Variants in KHDRBS2 observed in about 807,000 individuals in gnomAD.
KHDRBS2 encodes the protein KH domain-containing, RNA-binding, signal transduction-associated protein 2.
Under a neutral mutation model 44.3 loss-of-function variants are expected in KHDRBS2, and 26 were observed. The observed-to-expected ratio is 0.59, with a 90% CI of 0.43 to 0.81. The LOEUF is 0.81. Ranked by LOEUF, KHDRBS2 falls within the 40% of genes least tolerant of loss-of-function variation. KHDRBS2 has a pLI of 0.00. For synonymous variants in KHDRBS2, 194 were observed against 151.1 expected (o/e 1.28, Z -2.08); for missense variants, 476 against 433.1 (o/e 1.10, Z -0.88).
At chr6:62,126,497 CCAGA>C (rs1562924087) in intron 2 of KHDRBS2, among the ~76,000 whole-genome samples, 1 of 152,130 alleles carries the variant, frequency 6.6e-6, no homozygotes, top group African/African-American at 2.4e-5. Flanking sequence ...TAGGCAGTAG[CCAGA>C]CAGTGCTTAC....
intron 1 of KHDRBS2, among the ~76,000 whole-genome samples, chr6:62,217,726 T>C (rs1180316656): frequency 1.3e-5 from 2 of 151,752 alleles, no homozygotes; most frequent in Non-Finnish European, 2.9e-5. Flanking sequence ...AAAACATAAG[T>C]TGTTTTTTAT....
intron 3 of KHDRBS2, among the ~76,000 whole-genome samples, chr6:62,032,255 G>A (rs1304886715): frequency 6.6e-6 from 1 of 151,986 alleles, no homozygotes; most frequent in Non-Finnish European, 1.5e-5. Flanking sequence ...GGGGGGAAAG[G>A]CAGACACACC....
chr6:62,277,713 T>C (rs1187064459), intron 1 of KHDRBS2, among the ~76,000 whole-genome samples: 1 of 152,142 alleles, frequency 6.6e-6, no homozygotes, highest in Non-Finnish European at 1.5e-5. Context: ...AGAGTACTAG[T>C]CTGATGGAAT....
chr6:62,208,821 T>C (rs1360106124), intron 1 of KHDRBS2, among the ~76,000 whole-genome samples: 1 of 152,186 alleles, frequency 6.6e-6, no homozygotes, highest in Non-Finnish European at 1.5e-5. Flanking sequence ...CTTGCATTTC[T>C]CTGATGATTA....
chr6:62,206,287 G>A (rs1351148422), intron 1 of KHDRBS2, among the ~76,000 whole-genome samples: 2 of 152,010 alleles, frequency 1.3e-5, no homozygotes, highest in Admixed American at 1.3e-4. Context: ...TGCACAAACA[G>A]GTCATAATAA....
At chr6:61,638,538 TA>T in the KHDRBS2 span, among the ~76,000 whole-genome samples, 1 of 152,120 alleles carries the variant, frequency 6.6e-6, no homozygotes, top group South Asian at 2.1e-4. Context: ...GCCTTAGACC[TA>T]AAACCATAAA....
chr6:62,098,482 C>A (rs957652470), intron 2 of KHDRBS2, among the ~76,000 whole-genome samples: 1 of 141,224 alleles, frequency 7.1e-6, no homozygotes, highest in African/African-American at 2.6e-5. Flanking sequence ...CCCTCCTGGC[C>A]TGTAAGATTT....
At chr6:62,224,550 T>C (rs516223) in intron 1 of KHDRBS2, among the ~76,000 whole-genome samples, 26,197 of 152,082 alleles carry the variant, frequency 0.17, 2,526 homozygotes, top group African/African-American at 0.26. Context: ...AACTGAGAAA[T>C]GTAATATCAT....
the KHDRBS2 span, among the ~76,000 whole-genome samples, chr6:61,598,827 TTTTTCTTTTC>T: frequency 1.9e-3 from 115 of 62,036 alleles, 4 homozygotes; most frequent in African/African-American, 4.2e-3. Context: ...AGAGTGTCCT[TTTTTCTTTTC>T]TTTTTTTTTT....
At chr6:61,941,780 C>T (rs1356938252) in intron 4 of KHDRBS2, among the ~76,000 whole-genome samples, 5 of 152,058 alleles carry the variant, frequency 3.3e-5, no homozygotes, top group African/African-American at 1.2e-4. Context: ...GCTATTAAAG[C>T]AAATTTAAAA....
rs566352542 is a variant in KHDRBS2 at position 62,046,474 on chromosome 6, C to T, written c.336+1404G>A. Among the ~76,000 whole-genome samples the T allele has an allele frequency of 1.6e-3, 245 of 151,916 alleles. 6 individuals are homozygous for T. The South Asian group carries it at 0.049, about 30-fold the overall frequency. On this transcript the variant is annotated intron_variant, in intron 3 of 8. Coordinates refer to ENST00000281156, the MANE Select transcript of KHDRBS2 (RefSeq NM_152688.4). The stretch of plus-strand genomic sequence containing the variant: ...ATTATAGGAGTTCAGGGAAGCCATG[C>T]TGGGGAGATGATGACAAGCTGAAAT...
chr6:62,069,629 T>C (rs544548024), intron 2 of KHDRBS2, among the ~76,000 whole-genome samples: 29 of 151,848 alleles, frequency 1.9e-4, no homozygotes, highest in African/African-American at 3.4e-4. Context: ...TGCAATTTAG[T>C]TGAGAGACAT....
chr6:61,957,641 C>A (rs1205497381), intron 4 of KHDRBS2, among the ~76,000 whole-genome samples: 2 of 152,162 alleles, frequency 1.3e-5, no homozygotes, highest in African/African-American at 2.4e-5. Context: ...TGCTCTCAAA[C>A]CCTGTCTCCT....
At chr6:61,588,384 TAA>T in the KHDRBS2 span, among the ~76,000 whole-genome samples, 5 of 152,194 alleles carry the variant, frequency 3.3e-5, no homozygotes, top group African/African-American at 1.2e-4. Context: ...TAAGAAAAAT[TAA>T]AGTTTCTTTA....
At position 62,259,401 on chromosome 6, in the gene KHDRBS2, C is replaced by A. The variant is rs185332744; in HGVS notation, c.91+26457G>T. Reference sequence around the variant, plus strand: ...CATGCAAAGGTACATCACATGACAACTGACTGGGAATTCAGTTTTATAACT... The same window carrying A: ...CATGCAAAGGTACATCACATGACAAATGACTGGGAATTCAGTTTTATAACT... On this transcript the variant is annotated intron_variant, in intron 1 of 8. Transcript: ENST00000281156. Among the ~76,000 whole-genome samples the A allele has an allele frequency of 1.5e-3, 227 of 151,966 alleles. 1 individual carries two copies. The highest frequency in any genetic ancestry group is 5.3e-3 in the African/African-American group (220 of 41,490).
intron 1 of KHDRBS2, among the ~76,000 whole-genome samples, chr6:62,245,203 G>T (rs1410393040): frequency 6.6e-6 from 1 of 152,002 alleles, no homozygotes; most frequent in African/African-American, 2.4e-5. Flanking sequence ...CATTCTCTTT[G>T]TTTCTGCTAT....
intron 3 of KHDRBS2, among the ~76,000 whole-genome samples, chr6:62,046,013 G>T (rs1787609341): frequency 6.7e-6 from 1 of 150,108 alleles, no homozygotes; most frequent in Non-Finnish European, 1.5e-5. Flanking sequence ...AAAATATTTT[G>T]CAGTACAATG....
At chr6:62,201,836 G>C (rs1282591553) in intron 1 of KHDRBS2, among the ~76,000 whole-genome samples, 1 of 151,750 alleles carries the variant, frequency 6.6e-6, no homozygotes, top group East Asian at 1.9e-4. Flanking sequence ...CATGACAATA[G>C]ACATGTCAAT....
chr6:62,012,453 G>T (rs1234509625), intron 3 of KHDRBS2, among the ~76,000 whole-genome samples: 1 of 152,012 alleles, frequency 6.6e-6, no homozygotes, highest in African/African-American at 2.4e-5. Context: ...AATATAAATA[G>T]AATTCACTTC....
Sources: allele counts gnomAD v4.1 joint callset (sites outside exome capture counted in the v4.1 genomes callset), GRCh38; gene constraint gnomAD v4.1.1; transcripts MANE v1.5; gene names NCBI Gene and HGNC (gene_info 2026-07-23, HGNC 2026-07-21).